Variants in INHBC observed in about 807,000 individuals in gnomAD.
The protein encoded by INHBC is inhibin beta C chain.
A neutral mutation model predicts 12.4 loss-of-function variants in INHBC; 10 were observed. The ratio of observed to expected loss-of-function variants is 0.81; its 90% CI spans 0.50 to 1.37. INHBC has a LOEUF of 1.37. INHBC is among the 40% of genes most tolerant of loss of function. INHBC has a pLI of 0.00. For missense variants in INHBC, 382 were observed against 439.4 expected (o/e 0.87, Z 1.17); for synonymous variants, 147 against 171.6 (o/e 0.86, Z 1.12).
chr12:57,442,551 A>G (rs1350098280), intron 1 of INHBC, among the ~76,000 whole-genome samples: 1 of 152,210 alleles, frequency 6.6e-6, no homozygotes, highest in Non-Finnish European at 1.5e-5. Flanking sequence ...GGTCCTATAG[A>G]CTTGGGACCT....
In INHBC at chr12:57,449,665, C is replaced by G; in HGVS notation, c.702C>G (p.His234Gln). The G allele has an allele frequency of 6.2e-7, 1 of 1,614,236 alleles. No homozygotes were observed. Among genetic ancestry groups the G allele is most frequent in the Non-Finnish European group, 8.5e-7 (1 of 1,180,036 alleles). ...GAGTTGGGGGCAAACACCAGATTCA[C>G]CGACGAGGCATCGACTGCCAAGGAG... is the stretch of plus-strand genomic sequence containing the variant. Reference protein sequence around the residue: ...RVRVGGKHQIHRRGIDCQGGS... With the variant: ...RVRVGGKHQIQRRGIDCQGGS... The change falls in exon 2 of 2, where the codon CAC (histidine) becomes CAG (glutamine). Residue 234 changes from histidine (H) to glutamine (Q), a missense_variant. Transcript: ENST00000309668.
rs1374255188 is a variant in INHBC at position 57,441,672 on chromosome 12, AT to A, written c.313+6476del. ...AGAGGCTTAAAACAACACATTCATT[AT>A]TTCTCATGATTCTTTTTTTTTTTTT... On this transcript the variant is annotated intron_variant, in intron 1 of 1. Coordinates refer to ENST00000309668, the MANE Select transcript of INHBC (RefSeq NM_005538.4). Among the ~76,000 whole-genome samples the A allele has an allele frequency of 3.7e-5, 5 of 133,544 alleles. No individual in the cohort carries two copies. The East Asian group carries it at 8.9e-4, about 24-fold the overall frequency. The allele number at this position is 133,544 out of a possible 152,430, so 87.6% of individuals were successfully genotyped here.
intron 1 of INHBC, among the ~76,000 whole-genome samples, chr12:57,435,980 A>G (rs1349982775): frequency 6.6e-6 from 1 of 150,420 alleles, no homozygotes; most frequent in Non-Finnish European, 1.5e-5. Context: ...TTGAGTAGCC[A>G]GGATTACAGG....
chr12:57,436,698 G>A (rs1354814707), intron 1 of INHBC, among the ~76,000 whole-genome samples: 2 of 148,960 alleles, frequency 1.3e-5, no homozygotes, highest in African/African-American at 4.9e-5. Flanking sequence ...ATGGAGTCTC[G>A]CTTTGTCACC....
Position 57,434,898 on chromosome 12 carries a change from A to G in INHBC, c.12A>G (p.Ser4=), listed in dbSNP as rs1870296684. ...GGCCTTCCCCAGCAATGACCTCCTC[A>G]TTGCTTCTGGCCTTTCTCCTCCTGG... MTS[S]LLLAFLLLAP... is the part of the protein sequence containing the mutation. Residue 4 remains serine, a synonymous_variant, in exon 1 of 2, where the codon TCA becomes TCG. Transcript: ENST00000309668. 3 of 1,612,046 alleles carry G rather than the reference A, an allele frequency of 1.9e-6. No homozygotes were observed. In the South Asian group the frequency reaches 3.3e-5, roughly 18 times the overall value.
At position 57,434,873 on chromosome 12, in the gene INHBC, G is replaced by C. The variant is rs767192861; in HGVS notation, c.-14G>C. 1 of 1,598,666 alleles carries C rather than the reference G, an allele frequency of 6.3e-7. No homozygotes were observed. Among genetic ancestry groups the C allele is most frequent in the Non-Finnish European group, 8.5e-7 (1 of 1,170,848 alleles). ...CCCTGAGTCTGTATTGCTCAAGAAGGGCCTTCCCCAGCAATGACCTCCTCA... is the reference window on the plus strand; with the variant it reads ...CCCTGAGTCTGTATTGCTCAAGAAGCGCCTTCCCCAGCAATGACCTCCTCA... On this transcript the variant is annotated 5_prime_UTR_variant, in exon 1 of 2. Coordinates refer to ENST00000309668, the MANE Select transcript of INHBC (RefSeq NM_005538.4).
At chr12:57,448,978 A>G (rs1272567089) in intron 1 of INHBC, among the ~76,000 whole-genome samples, 3 of 152,176 alleles carry the variant, frequency 2.0e-5, no homozygotes, top group African/African-American at 7.2e-5. Flanking sequence ...AGAAGGGCAA[A>G]GAGAGGGTGG....
In INHBC at chr12:57,450,410, T is replaced by A. The variant is rs945492378; in HGVS notation, c.*388T>A. 2 of 160,122 alleles carry A rather than the reference T, an allele frequency of 1.2e-5. No homozygotes were observed. Among genetic ancestry groups the A allele is most frequent in the African/African-American group, 4.8e-5 (2 of 41,716 alleles). The allele number at this position is 160,122 out of a possible 1,614,324, so 9.9% of individuals were successfully genotyped here. A position where few individuals can be genotyped will look rare whatever the true frequency, so the allele number is the denominator to read the frequency against. ...GTCCTTTCTACTCAATGGTCCCCAC[T>A]CCAAGATGAGTTGACACAACCCCTT... is the stretch of plus-strand genomic sequence containing the variant. On this transcript the variant is annotated 3_prime_UTR_variant, in exon 2 of 2. Transcript: ENST00000309668.
intron 1 of INHBC, among the ~76,000 whole-genome samples, chr12:57,445,944 C>T (rs1038953263): frequency 5.3e-5 from 8 of 150,340 alleles, no homozygotes; most frequent in Non-Finnish European, 1.0e-4. Flanking sequence ...TTTGTTTGTT[C>T]GTTTTTTTGA....
At chr12:57,443,936 A>G (rs1267913664) in intron 1 of INHBC, among the ~76,000 whole-genome samples, 1 of 152,000 alleles carries the variant, frequency 6.6e-6, no homozygotes. Flanking sequence ...CTACAGGTGC[A>G]TGCCACCACA....
chr12:57,435,202 G>A lies in INHBC; in HGVS notation c.313+3G>A. 1 of 1,606,694 alleles carries A rather than the reference G, an allele frequency of 6.2e-7. No homozygotes were observed. Among genetic ancestry groups the A allele is most frequent in the Non-Finnish European group, 8.5e-7 (1 of 1,174,866 alleles). ...AATCATCAGCTTTGCTGAGACAGGTGGGTTCCTGATCTGTAGCTCTTCCCC... is the reference window on the plus strand; with the variant it reads ...AATCATCAGCTTTGCTGAGACAGGTAGGTTCCTGATCTGTAGCTCTTCCCC... On this transcript the variant is annotated splice_donor_region_variant and intron_variant, in intron 1 of 1. Coordinates refer to ENST00000309668, the MANE Select transcript of INHBC (RefSeq NM_005538.4).
chr12:57,447,920 TATAA>T (rs1279042953), intron 1 of INHBC, among the ~76,000 whole-genome samples: 1,860 of 92,742 alleles, frequency 0.02, 67 homozygotes, highest in Non-Finnish European at 0.027. Context: ...TATATATATA[TATAA>T]AATATATGTG....
chr12:57,439,946 A>T (rs1026273764), intron 1 of INHBC, among the ~76,000 whole-genome samples: 1 of 152,174 alleles, frequency 6.6e-6, no homozygotes, highest in Non-Finnish European at 1.5e-5. Flanking sequence ...CCTGGCCTCA[A>T]GGGATCCTCC....
At chr12:57,438,039 G>C (rs1010982222) in intron 1 of INHBC, among the ~76,000 whole-genome samples, 8 of 152,102 alleles carry the variant, frequency 5.3e-5, no homozygotes, top group Admixed American at 5.2e-4. Context: ...GCTCGCCTCA[G>C]CCTCCCAAAG....
rs1870719491 is a variant in INHBC at position 57,451,881 on chromosome 12, C to T, written c.*1859C>T. 1 of 455,474 alleles carries T rather than the reference C, an allele frequency of 2.2e-6. No homozygotes were observed. The highest frequency in any genetic ancestry group is 4.4e-6 in the Non-Finnish European group (1 of 226,710). The allele number at this position is 455,474 out of a possible 1,614,324, so 28.2% of individuals were successfully genotyped here. On this transcript the variant is annotated 3_prime_UTR_variant, in exon 2 of 2. Coordinates refer to ENST00000309668, the MANE Select transcript of INHBC (RefSeq NM_005538.4). ...CCCAATTACAGCTTAGTCTCCAGGG[C>T]TAGGACTGGGGTAAAGCAAAGTGAG... is the stretch of plus-strand genomic sequence containing the variant.
In INHBC at chr12:57,450,042, G is replaced by T; in HGVS notation, c.*20G>T. The T allele has an allele frequency of 1.3e-6, 2 of 1,487,034 alleles. No individual in the cohort carries two copies. The highest frequency in any genetic ancestry group is 8.9e-7 in the Non-Finnish European group (1 of 1,122,564). 92.1% of individuals were successfully genotyped at this position (1,487,034 alleles called of 1,614,324 possible). A position where few individuals can be genotyped will look rare whatever the true frequency, so the allele number is the denominator to read the frequency against. On this transcript the variant is annotated 3_prime_UTR_variant, in exon 2 of 2. Coordinates refer to ENST00000309668, the MANE Select transcript of INHBC (RefSeq NM_005538.4). Reference sequence around the variant, plus strand: ...AGTTAGTCTATGTGTGGTATGGGCAGCCCAAGGTTGCATGGGAAAACACGC... The same window carrying T: ...AGTTAGTCTATGTGTGGTATGGGCATCCCAAGGTTGCATGGGAAAACACGC...
In INHBC at chr12:57,449,219, T is replaced by C. The variant is rs140421792; in HGVS notation, c.314-58T>C. The C allele has an allele frequency of 7.1e-6, 11 of 1,553,704 alleles. No individual in the cohort carries two copies. In the African/African-American group the frequency reaches 1.1e-4, roughly 15 times the overall value. The stretch of plus-strand genomic sequence containing the variant: ...CTCAAGAATGCTGAGTACAGAGAAA[T>C]AGTTGGTAGAACTGACAGTCAGAAG... On this transcript the variant is annotated intron_variant, in intron 1 of 1. Coordinates refer to ENST00000309668, the MANE Select transcript of INHBC (RefSeq NM_005538.4).
At chr12:57,437,415 A>G (rs1870366329) in intron 1 of INHBC, among the ~76,000 whole-genome samples, 1 of 152,104 alleles carries the variant, frequency 6.6e-6, no homozygotes. Context: ...CACGCCTGTA[A>G]TCCTAGCACT....
chr12:57,451,757 T>C lies in INHBC; in HGVS notation c.*1735T>C. 2.3e-6 allele frequency: 1 copy of C among 436,346 alleles called. No individual in the cohort carries two copies. The highest frequency in any genetic ancestry group is 4.6e-6 in the Non-Finnish European group (1 of 217,154). The allele number at this position is 436,346 out of a possible 1,614,324, so 27.0% of individuals were successfully genotyped here. On this transcript the variant is annotated 3_prime_UTR_variant, in exon 2 of 2. Coordinates refer to ENST00000309668, the MANE Select transcript of INHBC (RefSeq NM_005538.4). ...CTTCCTGAGCAACCCATGGAAGTTATCCCACCTTTGACTTGAGGAGACCTT... is the reference window on the plus strand; with the variant it reads ...CTTCCTGAGCAACCCATGGAAGTTACCCCACCTTTGACTTGAGGAGACCTT...
Sources: gnomAD v4.1 joint callset for allele counts (sites outside exome capture counted in the v4.1 genomes callset) on GRCh38, gnomAD v4.1.1 for gene constraint, MANE v1.5 for transcripts, NCBI Gene and HGNC (gene_info 2026-07-23, HGNC 2026-07-21) for gene names.